The following MSI2 variants were observed in gnomAD, a reference collection of about 807,000 sequenced individuals.
MSI2 encodes RNA-binding protein Musashi homolog 2.
Under a neutral mutation model 45.6 loss-of-function variants are expected in MSI2, and 17 were observed. The ratio of observed to expected loss-of-function variants is 0.37; its 90% CI spans 0.26 to 0.56. The LOEUF is 0.56. Among genes scored for constraint, MSI2 ranks in the 20% least tolerant of loss-of-function variants. The pLI, the probability that MSI2 is intolerant of heterozygous loss-of-function variation, is 0.77. For synonymous variants in MSI2, 156 were observed against 158.2 expected (o/e 0.99, Z 0.11); for missense variants, 293 against 444.2 (o/e 0.66, Z 3.06).
chr17:57,617,836 C>T (rs1358535824), intron 9 of MSI2, among the ~76,000 whole-genome samples: 8 of 151,898 alleles, frequency 5.3e-5, no homozygotes, highest in Non-Finnish European at 1.2e-4. Context: ...TTTGGGAGGC[C>T]GAGGCAGATG....
At chr17:57,386,170 C>T (rs2083683125) in intron 5 of MSI2, among the ~76,000 whole-genome samples, 1 of 152,116 alleles carries the variant, frequency 6.6e-6, no homozygotes, top group Admixed American at 6.5e-5. Flanking sequence ...GTCCAAGTAG[C>T]CTGGAAGGGT....
At chr17:57,503,092 C>G (rs1267712480) in intron 6 of MSI2, among the ~76,000 whole-genome samples, 1 of 152,104 alleles carries the variant, frequency 6.6e-6, no homozygotes. Flanking sequence ...TCCGTCTGTT[C>G]CATTGATTGT....
intron 6 of MSI2, among the ~76,000 whole-genome samples, chr17:57,490,766 T>C (rs2085855046): frequency 6.6e-6 from 1 of 152,228 alleles, no homozygotes; most frequent in Non-Finnish European, 1.5e-5. Context: ...AAAAGAACTT[T>C]GGTTAAACAT....
At chr17:57,300,104 C>G (rs1359715988) in intron 5 of MSI2, among the ~76,000 whole-genome samples, 1 of 152,200 alleles carries the variant, frequency 6.6e-6, no homozygotes, top group South Asian at 2.1e-4. Flanking sequence ...AAACTGGTAT[C>G]TAGCTGATCT....
intron 9 of MSI2, chr17:57,616,298 T>C (rs761304423): frequency 2.2e-6 from 1 of 451,640 alleles, no homozygotes; most frequent in Non-Finnish European, 3.9e-6. Context: ...TGTGTGTGTG[T>C]GTGTGTTTGT....
intron 5 of MSI2, among the ~76,000 whole-genome samples, chr17:57,369,456 C>G (rs1384872132): frequency 6.6e-6 from 1 of 152,136 alleles, no homozygotes; most frequent in Non-Finnish European, 1.5e-5. Flanking sequence ...TTGGACAGAC[C>G]TTACTTAATA....
chr17:57,372,639 A>G (rs2083437297), intron 5 of MSI2, among the ~76,000 whole-genome samples: 1 of 152,212 alleles, frequency 6.6e-6, no homozygotes, highest in Non-Finnish European at 1.5e-5. Context: ...TTTATTATCA[A>G]TGAATACTTT....
chr17:57,357,148 T>C (rs1205184154), intron 5 of MSI2, among the ~76,000 whole-genome samples: 1 of 152,076 alleles, frequency 6.6e-6, no homozygotes, highest in Non-Finnish European at 1.5e-5. Flanking sequence ...GCCCCGTTTC[T>C]CCTTGAGGAC....
At chr17:57,308,707 C>G (rs751072356) in intron 5 of MSI2, among the ~76,000 whole-genome samples, 1 of 152,144 alleles carries the variant, frequency 6.6e-6, no homozygotes, top group Non-Finnish European at 1.5e-5. Flanking sequence ...AGGGACCCAG[C>G]CTGCTCTCTC....
chr17:57,474,382 A>T (rs1003114918), intron 6 of MSI2, among the ~76,000 whole-genome samples: 2 of 152,214 alleles, frequency 1.3e-5, no homozygotes, highest in African/African-American at 4.8e-5. Flanking sequence ...ACTCATGCAG[A>T]CCAGGCTCCA....
intron 6 of MSI2, among the ~76,000 whole-genome samples, chr17:57,507,538 T>A (rs933189658): frequency 1.3e-4 from 20 of 152,192 alleles, no homozygotes; most frequent in Non-Finnish European, 2.6e-4. Flanking sequence ...TGGTTCCAAA[T>A]GACTTGTGGC....
At chr17:57,550,689 G>T (rs2087282797) in intron 7 of MSI2, among the ~76,000 whole-genome samples, 1 of 152,182 alleles carries the variant, frequency 6.6e-6, no homozygotes, top group South Asian at 2.1e-4. Flanking sequence ...CAGGTTTGAA[G>T]CCGGGCTGGA....
intron 5 of MSI2, among the ~76,000 whole-genome samples, chr17:57,333,018 C>T (rs1381072814): frequency 6.7e-6 from 1 of 150,244 alleles, no homozygotes; most frequent in Non-Finnish European, 1.5e-5. Context: ...GAGCGAGACT[C>T]TGTGTCCAAA....
chr17:57,456,572 G>C (rs2085119013), intron 6 of MSI2, among the ~76,000 whole-genome samples: 7 of 152,020 alleles, frequency 4.6e-5, no homozygotes. Flanking sequence ...TCCAGCCTGG[G>C]CGACAGAGCG....
intron 10 of MSI2, chr17:57,628,081 C>G (rs1908978543): frequency 6.6e-6 from 1 of 152,442 alleles, no homozygotes; most frequent in Non-Finnish European, 1.5e-5. Flanking sequence ...ATCTGGAGTA[C>G]AGATAAGAAT....
chr17:57,327,605 C>T (rs1486422288), intron 5 of MSI2, among the ~76,000 whole-genome samples: 1 of 152,164 alleles, frequency 6.6e-6, no homozygotes. Context: ...GTGTGGGGGC[C>T]CCAATCCTTT....
At chr17:57,473,515 G>T (rs984283154) in intron 6 of MSI2, among the ~76,000 whole-genome samples, 5 of 152,164 alleles carry the variant, frequency 3.3e-5, no homozygotes, top group Non-Finnish European at 7.4e-5. Flanking sequence ...CATTTCCGTC[G>T]GGGGGCCTCT....
the MSI2 span, among the ~76,000 whole-genome samples, chr17:57,699,030 AGAGAGAGAGAGAGAGT>A: frequency 1.7e-5 from 2 of 119,164 alleles, no homozygotes; most frequent in Non-Finnish European, 3.4e-5. Flanking sequence ...AGAGAGAGAG[AGAGAGAGAGAGAGAGT>A]GTGTGTGTGT....
chr17:57,335,483 G>A (rs1914630433), intron 5 of MSI2, among the ~76,000 whole-genome samples: 1 of 152,184 alleles, frequency 6.6e-6, no homozygotes, highest in Non-Finnish European at 1.5e-5. Context: ...TACAACAGCA[G>A]AGTCAAGTAG....
Sources: allele counts gnomAD v4.1 joint callset (sites outside exome capture counted in the v4.1 genomes callset), GRCh38; gene constraint gnomAD v4.1.1; transcripts MANE v1.5; gene names NCBI Gene and HGNC (gene_info 2026-07-23, HGNC 2026-07-21).